Variants in MYLK4 observed in about 807,000 individuals in gnomAD.
The protein encoded by MYLK4 is caMLCK like.
A neutral mutation model predicts 48.1 loss-of-function variants in MYLK4; 46 were observed. The observed-to-expected ratio is 0.96, with a 90% CI of 0.75 to 1.22. The LOEUF is 1.22. Among genes scored for constraint, MYLK4 ranks in the 50% most tolerant of loss-of-function variants. The pLI is 0.00. For missense variants in MYLK4, 451 were observed against 486.1 expected (o/e 0.93, Z 0.68); for synonymous variants, 170 against 180.8 (o/e 0.94, Z 0.48).
intron 12 of MYLK4, among the ~76,000 whole-genome samples, chr6:2,668,472 G>A (rs1265466204): frequency 6.6e-6 from 1 of 152,152 alleles, no homozygotes; most frequent in African/African-American, 2.4e-5. Context: ...GGTTGATTTT[G>A]GGAATGTTTC....
chr6:2,671,980 G>C (rs74416027), intron 11 of MYLK4, among the ~76,000 whole-genome samples: 2 of 152,172 alleles, frequency 1.3e-5, no homozygotes, highest in Admixed American at 6.5e-5. Context: ...AATGGGAAAC[G>C]CGTGAAGATT....
intron 2 of MYLK4, among the ~76,000 whole-genome samples, chr6:2,714,812 A>G (rs1251029500): frequency 6.6e-6 from 1 of 152,270 alleles, no homozygotes; most frequent in Non-Finnish European, 1.5e-5. Flanking sequence ...CTGCTACAAC[A>G]TGGATGAACC....
intron 2 of MYLK4, among the ~76,000 whole-genome samples, chr6:2,746,449 T>A (rs1256930789): frequency 6.6e-6 from 1 of 152,082 alleles, no homozygotes; most frequent in Non-Finnish European, 1.5e-5. Flanking sequence ...AAAATCTGAT[T>A]AAGAGCAGGA....
chr6:2,742,079 G>A (rs1469023179), intron 2 of MYLK4, among the ~76,000 whole-genome samples: 1 of 145,080 alleles, frequency 6.9e-6, no homozygotes, highest in Non-Finnish European at 1.5e-5. Context: ...TTTTATGATT[G>A]CTTACTTAAA....
chr6:2,714,776 C>T (rs901573369), intron 2 of MYLK4, among the ~76,000 whole-genome samples: 8 of 152,202 alleles, frequency 5.3e-5, no homozygotes, highest in African/African-American at 1.9e-4. Context: ...ATGATTCAGC[C>T]TTAAAAAGAA....
the MYLK4 span, among the ~76,000 whole-genome samples, chr6:2,766,903 C>T: frequency 3.3e-5 from 5 of 152,152 alleles, no homozygotes; most frequent in Non-Finnish European, 5.9e-5. Flanking sequence ...GTGCTTCCTT[C>T]CTTTTCCACT....
chr6:2,756,760 C>T, the MYLK4 span, among the ~76,000 whole-genome samples: 1 of 152,172 alleles, frequency 6.6e-6, no homozygotes, highest in Admixed American at 6.5e-5. Flanking sequence ...ATTCATACTA[C>T]TGTTGTGACT....
chr6:2,686,254 C>T (rs9392414), intron 4 of MYLK4, among the ~76,000 whole-genome samples: 113,474 of 152,178 alleles, frequency 0.75, 42,509 homozygotes, highest in East Asian at 0.9. Flanking sequence ...ATGCAGAATC[C>T]TTCTGAATAC....
intron 2 of MYLK4, among the ~76,000 whole-genome samples, chr6:2,702,062 G>C (rs187993018): frequency 6.6e-6 from 1 of 152,202 alleles, no homozygotes; most frequent in South Asian, 2.1e-4. Context: ...GCCGCATGCC[G>C]CTGGCCTTGC....
Position 2,685,556 on chromosome 6 carries a change from T to C in MYLK4, c.362A>G (p.His121Arg). 1 of 1,614,166 alleles carries C rather than the reference T, an allele frequency of 6.2e-7. No individual in the cohort carries two copies. The highest frequency in any genetic ancestry group is 8.5e-7 in the Non-Finnish European group (1 of 1,180,030). ...ILGGGRFGQV[H>R]KCEETATGLK... The stretch of plus-strand genomic sequence containing the variant: ...ACCTGTGGCCGTCTCCTCACACTTG[T>C]GAACCTGGCCGAAACGCCCTCTGCC... The change falls in exon 5 of 13, where the codon CAC becomes CGC. Residue 121 changes from histidine (H) to arginine (R), a missense_variant. Coordinates refer to ENST00000274643, the MANE Select transcript of MYLK4 (RefSeq NM_001012418.5). The surrounding 1 kb of genome is among the most constrained non-coding windows in gnomAD (Gnocchi z 4.5).
At chr6:2,763,359 G>A in the MYLK4 span, among the ~76,000 whole-genome samples, 54 of 152,366 alleles carry the variant, frequency 3.5e-4, no homozygotes, top group Middle Eastern at 6.8e-3. Context: ...CTGGGGTGGT[G>A]AACGGCCCTG....
At chr6:2,762,337 TAA>T in the MYLK4 span, among the ~76,000 whole-genome samples, 3 of 152,246 alleles carry the variant, frequency 2.0e-5, no homozygotes, top group African/African-American at 7.2e-5. Context: ...AAACACGTCC[TAA>T]GAGACTTAAG....
upstream of MYLK4, among the ~76,000 whole-genome samples, chr6:2,753,582 AT>A (rs1764349056): frequency 6.6e-6 from 1 of 152,222 alleles, no homozygotes; most frequent in African/African-American, 2.4e-5. Context: ...AAAAGACACT[AT>A]TATGAAAATG....
In MYLK4 at chr6:2,688,916, A is replaced by C. The variant is rs1022161712; in HGVS notation, c.276T>G (p.Ile92Met). Reference protein sequence around the residue: ...PAPPAPFDHRIVTAKQGAVNS... With the variant: ...PAPPAPFDHRMVTAKQGAVNS... ...TGACCGCTCCTTGCTTGGCTGTCAC[A>C]ATACGATGATCAAATGGGGCCGGAG... Residue 92 changes from isoleucine (I) to methionine (M), a missense_variant, in exon 4 of 13, where the codon ATT (isoleucine) becomes ATG (methionine). Transcript: ENST00000274643. The C allele has an allele frequency of 1.9e-6, 3 of 1,614,238 alleles. No individual in the cohort carries two copies. The highest frequency in any genetic ancestry group is 2.5e-6 in the Non-Finnish European group (3 of 1,180,026).
chr6:2,753,742 A>G (rs1764354762), upstream of MYLK4, among the ~76,000 whole-genome samples: 1 of 152,192 alleles, frequency 6.6e-6, no homozygotes, highest in African/African-American at 2.4e-5. Context: ...ACCAAAGAAG[A>G]TATAAAAATG....
At position 2,750,769 on chromosome 6, in the gene MYLK4, C is replaced by T. The variant is rs1764265943; in HGVS notation, c.-146G>A. 1 of 152,322 alleles carries T rather than the reference C, an allele frequency of 6.6e-6. No individual in the cohort carries two copies. The highest frequency in any genetic ancestry group is 1.5e-5 in the Non-Finnish European group (1 of 68,028). The allele number at this position is 152,322 out of a possible 1,614,324, so 9.4% of individuals were successfully genotyped here. A position where few individuals can be genotyped will look rare whatever the true frequency, so the allele number is the denominator to read the frequency against. ...GGATCACATCGAAGAGCTTGAGCCACTCCAAGTCTAGAGCATACATTCCAG... is the reference window on the plus strand; with the variant it reads ...GGATCACATCGAAGAGCTTGAGCCATTCCAAGTCTAGAGCATACATTCCAG... On this transcript the variant is annotated 5_prime_UTR_variant, in exon 1 of 13. The change creates a new upstream start codon in the 5' untranslated region. Transcript: ENST00000274643.
rs2113383181 is a variant in MYLK4 at position 2,749,361 on chromosome 6, A to G, written c.-67T>C. ...TTTCGTCTCCCTCTGTCTCCGATTT[A>G]TAAATCAGGACACAATTATGACTCT... On this transcript the variant is annotated 5_prime_UTR_variant, in exon 2 of 13. Transcript: ENST00000274643. 7.7e-7 allele frequency: 1 copy of G among 1,303,214 alleles called. No individual in the cohort carries two copies. 80.7% of individuals were successfully genotyped at this position (1,303,214 alleles called of 1,614,324 possible).
chr6:2,753,654 C>T (rs1764351367), upstream of MYLK4, among the ~76,000 whole-genome samples: 1 of 144,312 alleles, frequency 6.9e-6, no homozygotes, highest in South Asian at 2.3e-4. Context: ...CAAAGGACTG[C>T]ATCTAGCATA....
chr6:2,712,311 C>T (rs574764440), intron 2 of MYLK4, among the ~76,000 whole-genome samples: 2 of 152,206 alleles, frequency 1.3e-5, no homozygotes, highest in African/African-American at 4.8e-5. Flanking sequence ...GTAGCACTCA[C>T]GTACTCTCTC....
Sources: allele counts gnomAD v4.1 joint callset (sites outside exome capture counted in the v4.1 genomes callset), GRCh38; gene constraint gnomAD v4.1.1; non-coding constraint Gnocchi (gnomAD v3.1); transcripts MANE v1.5; gene names NCBI Gene and HGNC (gene_info 2026-07-23, HGNC 2026-07-21).